Variants in THRB observed in about 807,000 individuals in gnomAD.
The protein encoded by THRB is nuclear receptor subfamily 1 group A member 2.
Under a neutral mutation model 47.8 loss-of-function variants are expected in THRB, and 12 were observed. That is an observed-to-expected ratio of 0.25 (90% CI 0.16 to 0.41). THRB has a LOEUF of 0.41. Among genes scored for constraint, THRB ranks in the 10% least tolerant of loss-of-function variants. The pLI, the probability that THRB is intolerant of heterozygous loss-of-function variation, is 1.00. For synonymous variants in THRB, 218 were observed against 212.2 expected (o/e 1.03, Z -0.24); for missense variants, 348 against 589.2 (o/e 0.59, Z 4.24).
At chr3:24,409,135 T>A (rs77539589) in intron 1 of THRB, among the ~76,000 whole-genome samples, 2,791 of 151,884 alleles carry the variant, frequency 0.018, 75 homozygotes, top group African/African-American at 0.062. Context: ...ATGTTTTAGG[T>A]ACCCGAAATG....
At chr3:24,388,678 T>C (rs1188133167) in intron 1 of THRB, among the ~76,000 whole-genome samples, 2 of 152,148 alleles carry the variant, frequency 1.3e-5, no homozygotes, top group East Asian at 1.9e-4. Flanking sequence ...GGCTACACTG[T>C]GTGACAGTCC....
chr3:24,288,696 C>T (rs944396521), intron 3 of THRB, among the ~76,000 whole-genome samples: 1 of 152,168 alleles, frequency 6.6e-6, no homozygotes, highest in African/African-American at 2.4e-5. Flanking sequence ...ATCAAGTACA[C>T]TAAAGCAGTG....
chr3:24,457,659 G>C (rs917512924), intron 1 of THRB, among the ~76,000 whole-genome samples: 8 of 152,144 alleles, frequency 5.3e-5, no homozygotes, highest in African/African-American at 1.9e-4. Context: ...TGTTTTCTCA[G>C]AGTGCTTTCA....
intron 5 of THRB, among the ~76,000 whole-genome samples, chr3:24,175,688 G>A (rs1239340973): frequency 6.6e-6 from 1 of 152,114 alleles, no homozygotes; most frequent in Non-Finnish European, 1.5e-5. Context: ...ATCTAATATA[G>A]TCTGATGTGG....
chr3:24,176,820 A>AAAG (rs567207705), intron 5 of THRB, among the ~76,000 whole-genome samples: 108 of 152,288 alleles, frequency 7.1e-4, no homozygotes, highest in African/African-American at 2.6e-3. Context: ...TAAACGACTC[A>AAAG]AAGTTTCTTT....
At chr3:24,466,446 G>C (rs1399403152) in intron 1 of THRB, among the ~76,000 whole-genome samples, 1 of 152,080 alleles carries the variant, frequency 6.6e-6, no homozygotes, top group Non-Finnish European at 1.5e-5. Flanking sequence ...CTACCACCTG[G>C]AGAGTGAAGG....
At chr3:24,208,846 T>C (rs1228761510) in intron 4 of THRB, among the ~76,000 whole-genome samples, 1 of 151,854 alleles carries the variant, frequency 6.6e-6, no homozygotes, top group African/African-American at 2.4e-5. Flanking sequence ...GACAAATGGG[T>C]TCTAATTAAA....
At chr3:24,165,342 T>C in intron 5 of THRB, 1 of 762,998 alleles carries the variant, frequency 1.3e-6, no homozygotes, top group Non-Finnish European at 2.4e-6. Context: ...ATTTCTTGCA[T>C]ACAGTAGTTC....
chr3:24,399,175 T>C (rs996597210), intron 1 of THRB, among the ~76,000 whole-genome samples: 28 of 150,646 alleles, frequency 1.9e-4, no homozygotes, highest in Non-Finnish European at 3.1e-4. Context: ...CATGTATACA[T>C]ATATAACAAA....
intron 8 of THRB, among the ~76,000 whole-genome samples, chr3:24,138,891 C>T (rs966372570): frequency 1.4e-4 from 21 of 152,182 alleles, no homozygotes; most frequent in African/African-American, 4.8e-4. Context: ...TAGACATTCA[C>T]CCAAAGCTAC....
chr3:24,296,768 G>A (rs1016066716), intron 3 of THRB, among the ~76,000 whole-genome samples: 1 of 152,190 alleles, frequency 6.6e-6, no homozygotes, highest in African/African-American at 2.4e-5. Flanking sequence ...CCTGGCAGAG[G>A]AGCATGGCTC....
intron 1 of THRB, among the ~76,000 whole-genome samples, chr3:24,428,764 A>G (rs2070045917): frequency 6.6e-6 from 1 of 151,992 alleles, no homozygotes; most frequent in Non-Finnish European, 1.5e-5. Context: ...GAAGAGAAAC[A>G]ATGTCTCTCC....
chr3:24,151,551 C>T (rs1224284345), intron 6 of THRB, among the ~76,000 whole-genome samples: 1 of 152,046 alleles, frequency 6.6e-6, no homozygotes, highest in Non-Finnish European at 1.5e-5. Flanking sequence ...AAAGTCCTTC[C>T]CTGACTTTAA....
intron 3 of THRB, among the ~76,000 whole-genome samples, chr3:24,258,075 G>A (rs1412316016): frequency 2.0e-5 from 3 of 152,316 alleles, no homozygotes; most frequent in Middle Eastern, 3.4e-3. Context: ...TTCACCGCAG[G>A]GCTGGAGATG....
At chr3:24,281,871 A>G (rs1262228522) in intron 3 of THRB, among the ~76,000 whole-genome samples, 12 of 151,732 alleles carry the variant, frequency 7.9e-5, no homozygotes, top group Non-Finnish European at 1.3e-4. Context: ...GATCAATTCA[A>G]CAAGAAGAGC....
intron 1 of THRB, among the ~76,000 whole-genome samples, chr3:24,376,270 A>G (rs1166201837): frequency 6.6e-6 from 1 of 152,224 alleles, no homozygotes; most frequent in East Asian, 1.9e-4. Flanking sequence ...AGGAAGACAC[A>G]GGAGATAAGC....
At chr3:24,186,944 C>CAAAAAAAAAAAAAAAA (rs71057655) in intron 5 of THRB, among the ~76,000 whole-genome samples, 1 of 77,534 alleles carries the variant, frequency 1.3e-5, no homozygotes, top group Non-Finnish European at 2.4e-5. Flanking sequence ...GACTCCATTT[C>CAAAAAAAAAAAAAAAA]AAAAAAAAAA....
At chr3:24,402,227 T>C (rs372688242) in intron 1 of THRB, among the ~76,000 whole-genome samples, 3 of 152,172 alleles carry the variant, frequency 2.0e-5, no homozygotes, top group Admixed American at 6.5e-5. Flanking sequence ...CTGCAGAATA[T>C]TGAAAATTAC....
intron 6 of THRB, among the ~76,000 whole-genome samples, chr3:24,147,325 T>A (rs1339874380): frequency 6.6e-6 from 1 of 152,230 alleles, no homozygotes; most frequent in East Asian, 1.9e-4. Flanking sequence ...ACAGATGTAC[T>A]AGCTGGCTTC....
Sources: allele counts gnomAD v4.1 joint callset (sites outside exome capture counted in the v4.1 genomes callset), GRCh38; gene constraint gnomAD v4.1.1; transcripts MANE v1.5; gene names NCBI Gene and HGNC (gene_info 2026-07-23, HGNC 2026-07-21).